The following DSCAML1 variants were observed in gnomAD, a reference collection of about 807,000 sequenced individuals.
DSCAML1 encodes cell adhesion molecule DSCAML1.
DSCAML1 carries 38 observed loss-of-function variants against 200.5 expected under a neutral mutation model. The ratio of observed to expected loss-of-function variants is 0.19; its 90% CI spans 0.15 to 0.25. DSCAML1 has a LOEUF of 0.25. Among genes scored for constraint, DSCAML1 ranks in the 10% least tolerant of loss-of-function variants. DSCAML1 has a pLI of 1.00. For synonymous variants in DSCAML1, 1,215 were observed against 1,165.0 expected (o/e 1.04, Z -0.87); for missense variants, 2,223 against 2,858.8 (o/e 0.78, Z 5.07).
chr11:117,449,634 C>T (rs191364356), intron 20 of DSCAML1, among the ~76,000 whole-genome samples: 8 of 152,084 alleles, frequency 5.3e-5, no homozygotes, highest in Non-Finnish European at 2.9e-5. Flanking sequence ...TCCTTGCTTC[C>T]GTTCCTTGCT....
chr11:117,552,843 G>C (rs913836787), intron 3 of DSCAML1, among the ~76,000 whole-genome samples: 4 of 152,150 alleles, frequency 2.6e-5, no homozygotes, highest in African/African-American at 9.7e-5. Context: ...CCTGTTCCCA[G>C]TTGACCATTC....
intron 3 of DSCAML1, among the ~76,000 whole-genome samples, chr11:117,658,434 G>C (rs548274590): frequency 1.8e-4 from 27 of 152,348 alleles, no homozygotes; most frequent in Admixed American, 9.8e-4. Context: ...GCCCCGGAAA[G>C]CTGTGGCTTG....
intron 3 of DSCAML1, among the ~76,000 whole-genome samples, chr11:117,755,465 A>G (rs1164598423): frequency 6.6e-6 from 1 of 152,148 alleles, no homozygotes; most frequent in Non-Finnish European, 1.5e-5. Context: ...TAACCTGTGC[A>G]AGGAGAGACC....
intron 2 of DSCAML1, among the ~76,000 whole-genome samples, chr11:117,777,343 T>C (rs2055145311): frequency 6.6e-6 from 1 of 152,138 alleles, no homozygotes; most frequent in Non-Finnish European, 1.5e-5. Flanking sequence ...ATGCTAGAAT[T>C]CCCCTAAGAA....
chr11:117,435,000 A>C (rs1041481859), intron 27 of DSCAML1, among the ~76,000 whole-genome samples: 3 of 152,342 alleles, frequency 2.0e-5, no homozygotes, highest in African/African-American at 7.2e-5. Context: ...ATTGATCTCT[A>C]TAGTCTTGCA....
At chr11:117,669,944 A>T (rs1234342580) in intron 3 of DSCAML1, among the ~76,000 whole-genome samples, 1 of 152,266 alleles carries the variant, frequency 6.6e-6, no homozygotes, top group Non-Finnish European at 1.5e-5. Flanking sequence ...GGCCCATGAA[A>T]ATGTCAAGCA....
intron 20 of DSCAML1, among the ~76,000 whole-genome samples, chr11:117,449,656 G>A (rs774027299): frequency 3.3e-5 from 5 of 152,100 alleles, no homozygotes; most frequent in Non-Finnish European, 5.9e-5. Flanking sequence ...CCAGCCCTGG[G>A]CACATCTTCC....
At position 117,433,126 on chromosome 11, in the gene DSCAML1, C is replaced by T. The variant is rs1183181411; in HGVS notation, c.5026+12G>A. 3 of 1,610,172 alleles carry T rather than the reference C, an allele frequency of 1.9e-6. No homozygotes were observed. Among genetic ancestry groups the T allele is most frequent in the Non-Finnish European group, 2.5e-6 (3 of 1,176,918 alleles). On this transcript the variant is annotated intron_variant, in intron 29 of 32. Transcript: ENST00000651296. ...CCAGCAGGACAGGGAACTTGTGGCA[C>T]CTGTCACTCACCCAGTTGCTTGATG...
intron 3 of DSCAML1, among the ~76,000 whole-genome samples, chr11:117,683,682 T>G (rs2053350272): frequency 6.6e-6 from 1 of 152,180 alleles, no homozygotes; most frequent in African/African-American, 2.4e-5. Flanking sequence ...TATAATGGAT[T>G]CACTACTACT....
In DSCAML1 at chr11:117,437,517, C is replaced by A; in HGVS notation, c.4433-108G>T. On this transcript the variant is annotated intron_variant, in intron 25 of 32. Transcript: ENST00000651296. The surrounding 1 kb of genome is among the most constrained non-coding windows in gnomAD (Gnocchi z 5.3). ...CCTGGGGCAGCTGGGATGGCAGTGG[C>A]TCCAGGAGAATACATGTTTGGCACA... 1 of 1,341,342 alleles carries A rather than the reference C, an allele frequency of 7.5e-7. No homozygotes were observed. The highest frequency in any genetic ancestry group is 1.4e-5 in the South Asian group (1 of 71,596). 83.1% of individuals were successfully genotyped at this position (1,341,342 alleles called of 1,614,324 possible).
In DSCAML1 at chr11:117,768,053, T is replaced by G. The variant is rs11216541; in HGVS notation, c.511+8738A>C. 4.2e-3 allele frequency among the ~76,000 whole-genome samples: 635 copies of G among 152,260 alleles called. 3 individuals carry two copies. Among genetic ancestry groups the G allele is most frequent in the African/African-American group, 0.014 (600 of 41,540 alleles). On this transcript the variant is annotated intron_variant, in intron 3 of 32. Transcript: ENST00000651296. ...AATGGGCAAGGTAACGGGGGCTGTTTTGAGGAGCCAGTGACATCATCTGAA... is the reference window on the plus strand; with the variant it reads ...AATGGGCAAGGTAACGGGGGCTGTTGTGAGGAGCCAGTGACATCATCTGAA...
At chr11:117,800,445 T>G (rs2055647169), upstream of DSCAML1, among the ~76,000 whole-genome samples, 1 of 152,252 alleles carries the variant, frequency 6.6e-6, no homozygotes, top group Non-Finnish European at 1.5e-5. Context: ...CAAACACAGT[T>G]GCCCAGGCAA....
chr11:117,501,861 C>T (rs1301810146), intron 11 of DSCAML1, among the ~76,000 whole-genome samples: 2 of 152,028 alleles, frequency 1.3e-5, no homozygotes, highest in Admixed American at 6.6e-5. Flanking sequence ...GACACCGAGG[C>T]CTGCAGATGA....
intron 3 of DSCAML1, among the ~76,000 whole-genome samples, chr11:117,653,399 G>A (rs2052670921): frequency 6.6e-6 from 1 of 152,118 alleles, no homozygotes; most frequent in South Asian, 2.1e-4. Flanking sequence ...GAATCCTGGG[G>A]CATCCCAGAA....
intron 3 of DSCAML1, among the ~76,000 whole-genome samples, chr11:117,716,332 T>C (rs1470691093): frequency 1.3e-5 from 2 of 152,218 alleles, no homozygotes; most frequent in Non-Finnish European, 2.9e-5. Flanking sequence ...GGTCTTGATT[T>C]CCTCATATTT....
At chr11:117,813,484 T>C (rs1417029338) in intron 1 of DSCAML1, among the ~76,000 whole-genome samples, 1 of 152,238 alleles carries the variant, frequency 6.6e-6, no homozygotes, top group Non-Finnish European at 1.5e-5. Context: ...CACTCTTAAC[T>C]CTTGAAGTAA....
At position 117,489,657 on chromosome 11, in the gene DSCAML1, C is replaced by A. The variant is rs1360802936; in HGVS notation, c.2360-7495G>T. On this transcript the variant is annotated intron_variant, in intron 11 of 32. Coordinates refer to ENST00000651296, the MANE Select transcript of DSCAML1 (RefSeq NM_020693.4). This position sits in a 1 kb window ranked among gnomAD's most constrained non-coding sequence, Gnocchi z 4.8. ...ATTTCATTCAAGCCTCAGTTACAGT[C>A]CCCAGCACCTGCTACAGTGCCTGGC... is the stretch of plus-strand genomic sequence containing the variant. Among the ~76,000 whole-genome samples the A allele has an allele frequency of 6.6e-6, 1 of 152,164 alleles. No homozygotes were observed.
At chr11:117,810,237 G>GGGGAGGGGCAAGT (rs1416186504) in intron 1 of DSCAML1, among the ~76,000 whole-genome samples, 36 of 150,192 alleles carry the variant, frequency 2.4e-4, no homozygotes, top group Middle Eastern at 3.4e-3. Flanking sequence ...AAACTCCGTG[G>GGGGAGGGGCAAGT]ACCCAAAACT....
chr11:117,607,023 C>T (rs1156326947), intron 3 of DSCAML1, among the ~76,000 whole-genome samples: 2 of 152,254 alleles, frequency 1.3e-5, no homozygotes, highest in African/African-American at 2.4e-5. Context: ...GACTCACCAT[C>T]TACTGGGACC....
Sources: gnomAD v4.1 joint callset for allele counts (sites outside exome capture counted in the v4.1 genomes callset) on GRCh38, gnomAD v4.1.1 for gene constraint, Gnocchi (gnomAD v3.1) non-coding constraint, MANE v1.5 for transcripts, NCBI Gene and HGNC (gene_info 2026-07-23, HGNC 2026-07-21) for gene names.